CATSPERG: variants seen among roughly 807,000 people sequenced by gnomAD.
The protein encoded by CATSPERG is cation channel sperm-associated auxiliary subunit gamma.
CATSPERG carries 115 observed loss-of-function variants against 145.0 expected under a neutral mutation model. That is an observed-to-expected ratio of 0.79 (90% CI 0.68 to 0.93). The LOEUF is 0.93. Among genes scored for constraint, CATSPERG ranks in the 40% least tolerant of loss-of-function variants. The pLI is 0.00. For missense variants in CATSPERG, 1,296 were observed against 1,490.1 expected, an observed-to-expected ratio of 0.87 and a Z score of 2.14; for synonymous variants, 588 against 589.0, an observed-to-expected ratio of 1.00 and a Z score of 0.02.
chr19:38,343,696 G>C lies in CATSPERG; in HGVS notation c.441G>C (p.Gln147His), dbSNP rs1193051647. The C allele has an allele frequency of 2.2e-5, 34 of 1,550,150 alleles. No individual in the cohort carries two copies. The highest frequency in any genetic ancestry group is 4.9e-5 in the East Asian group (2 of 40,910). ...GGAAGATAGAGCAGCTGCAGATCCA[G>C]ATGGAGGCTGCCCCCTTCCGCAGCA... ...YRWKIEQLQI[Q>H]MEAAPFRSKE... Residue 147 changes from glutamine (Q) to histidine (H), a missense_variant, in exon 4 of 29, where the codon CAG (glutamine) becomes CAC (histidine). Coordinates refer to ENST00000409235, the MANE Select transcript of CATSPERG (RefSeq NM_021185.5).
At chr19:38,359,909 G>A (rs1207518634) in intron 14 of CATSPERG, 7 of 1,049,084 alleles carry the variant, frequency 6.7e-6, no homozygotes, top group African/African-American at 1.7e-5. Flanking sequence ...GGCTGCAATG[G>A]GGAAAATATT....
chr19:38,356,774 A>C lies in CATSPERG; in HGVS notation c.1228A>C (p.Ile410Leu), dbSNP rs1970251068. Residue 410 changes from isoleucine to leucine, a missense_variant, in exon 11 of 29, where the codon ATC becomes CTC. By Grantham distance (5) the Ile-to-Leu change is conservative (BLOSUM62 2). Coordinates refer to ENST00000409235, the MANE Select transcript of CATSPERG (RefSeq NM_021185.5). ...CTGCTCCATAATTTGGTCTGAATAC[A>C]TCGCGGGTGAGTATACTCTACTGCT... ...TTCSIIWSEY[I>L]AGEYTLLLLV... 1 of 1,614,066 alleles carries C rather than the reference A, an allele frequency of 6.2e-7. No individual in the cohort carries two copies. Among genetic ancestry groups the C allele is most frequent in the African/African-American group, 1.3e-5 (1 of 74,926 alleles).
chr19:38,362,668 GC>G, intron 19 of CATSPERG, 45 bp from the exon 20 acceptor site: 1 of 1,607,534 alleles, frequency 6.2e-7, no homozygotes, highest in Non-Finnish European at 8.5e-7. Flanking sequence ...GAGGGGCGGG[GC>G]CTGTCTGTGA....
chr19:38,361,779 C>T lies in CATSPERG; in HGVS notation c.2012C>T (p.Ser671Leu), dbSNP rs751240772. The T allele has an allele frequency of 6.2e-7, 1 of 1,613,084 alleles. No homozygotes were observed. The highest frequency in any genetic ancestry group is 1.1e-5 in the South Asian group (1 of 90,866). ...RARPPRVLER[S>L]GFHNENSLAI... The stretch of plus-strand genomic sequence containing the variant: ...CGGCCGCCGCGCGTCCTGGAGCGCT[C>T]GGGCTTCCACAACGAGAACTCGCTC... Residue 671 changes from serine (S) to leucine (L), a missense_variant, in exon 17 of 29, where the codon TCG becomes TTG. Physicochemically the swap from Ser to Leu is moderately radical, Grantham distance 145 (BLOSUM62 -2). Transcript: ENST00000409235.
intron 3 of CATSPERG, among the ~76,000 whole-genome samples, chr19:38,339,099 T>C (rs1416971277): frequency 1.3e-5 from 2 of 152,164 alleles, no homozygotes; most frequent in South Asian, 4.1e-4. Flanking sequence ...TATTTATTGG[T>C]AATCCAACAA....
intron 13 of CATSPERG, 151 bp downstream of exon 13, chr19:38,358,712 C>A: frequency 1.1e-6 from 1 of 922,256 alleles, no homozygotes; most frequent in South Asian, 1.6e-5. Context: ...TGATGAGGAA[C>A]ACACCGTTAG....
chr19:38,362,903 G>GA, intron 20 of CATSPERG, 71 bp downstream of exon 20: 1 of 1,026,014 alleles, frequency 9.7e-7, no homozygotes, highest in Non-Finnish European at 1.5e-6. Flanking sequence ...TTTGGAGACA[G>GA]GGTCTTGCTC....
rs1970402540 is a variant in CATSPERG at position 38,364,078 on chromosome 19, C to T, written c.2476-813C>T. ...GCCCCTCACCTCCCGGACGGGGCAGCTGGCCGGGCGGGGGGCTGACCCCCC... is the reference window on the plus strand; with the variant it reads ...GCCCCTCACCTCCCGGACGGGGCAGTTGGCCGGGCGGGGGGCTGACCCCCC... On this transcript the variant is annotated intron_variant, in intron 20 of 28. Coordinates refer to ENST00000409235, the MANE Select transcript of CATSPERG (RefSeq NM_021185.5). 2.6e-5 allele frequency among the ~76,000 whole-genome samples: 4 copies of T among 151,634 alleles called. 1 individual carries two copies. In the South Asian group the frequency reaches 6.3e-4, roughly 24 times the overall value.
Position 38,350,119 on chromosome 19 carries a change from A to G in CATSPERG, c.826-2142A>G, listed in dbSNP as rs182674886. On this transcript the variant is annotated intron_variant, in intron 7 of 28. Coordinates refer to ENST00000409235, the MANE Select transcript of CATSPERG (RefSeq NM_021185.5). ...GTAGAGGGCAAGCCATTTTCTTTTA[A>G]GCAAACTTCACTTCCACTGACATTC... is the stretch of plus-strand genomic sequence containing the variant. Among the ~76,000 whole-genome samples the G allele has an allele frequency of 7.1e-4, 108 of 152,258 alleles. 1 individual carries two copies. Among genetic ancestry groups the G allele is most frequent in the African/African-American group, 2.6e-3 (106 of 41,562 alleles).
chr19:38,351,607 C>CAAA (rs769452553), intron 7 of CATSPERG, among the ~76,000 whole-genome samples: 22 of 110,646 alleles, frequency 2.0e-4, no homozygotes, highest in African/African-American at 6.4e-4. Flanking sequence ...GACTCCGCCT[C>CAAA]AAAAAAAAAA....
At chr19:38,352,603 T>G (rs1370614216) in intron 8 of CATSPERG, 171 bp downstream of exon 8, 26 of 603,326 alleles carry the variant, frequency 4.3e-5, no homozygotes, top group Non-Finnish European at 5.7e-5. Context: ...CCCTTTTTTT[T>G]TTTTTTTTTT....
At chr19:38,336,307 T>C (rs56849284) in intron 1 of CATSPERG, 132,243 of 422,724 alleles carry the variant, frequency 0.31, 23,093 homozygotes, top group East Asian at 0.58. Flanking sequence ...AAGAGACAGT[T>C]TTCATCGAGA....
rs766901058 is a variant in CATSPERG, at chr19:38,358,307, A to G, written c.1345A>G (p.Ile449Val). ...ASDDLELLYH[I>V]PEFIPEARGL... The stretch of plus-strand genomic sequence containing the variant: ...TGATGACCTGGAACTTCTCTACCAC[A>G]TCCCAGAATTCATCCCTGAAGGTAG... Residue 449 changes from isoleucine (I) to valine (V), a missense_variant, in exon 12 of 29, where the codon ATC (isoleucine) becomes GTC (valine). Transcript: ENST00000409235. The G allele has an allele frequency of 1.2e-5, 20 of 1,614,006 alleles. No homozygotes were observed. The highest frequency in any genetic ancestry group is 1.7e-5 in the Non-Finnish European group (20 of 1,180,006).
At chr19:38,364,105 A>C (rs1198093387) in intron 20 of CATSPERG, among the ~76,000 whole-genome samples, 2 of 147,790 alleles carry the variant, frequency 1.4e-5, no homozygotes, top group African/African-American at 5.1e-5. Flanking sequence ...TGACCCCCCC[A>C]CCTCCCTCCC....
intron 22 of CATSPERG, chr19:38,366,692 G>A (rs1970455259): frequency 6.4e-6 from 1 of 157,390 alleles, no homozygotes; most frequent in Non-Finnish European, 1.4e-5. Flanking sequence ...GAACAGGCAG[G>A]CTCTCGGTCT....
intron 25 of CATSPERG, 30 bp from the exon 26 acceptor site, chr19:38,368,018 C>T (rs751147199): frequency 1.9e-6 from 3 of 1,606,780 alleles, no homozygotes; most frequent in Non-Finnish European, 2.6e-6. Context: ...GCCCCCCAAC[C>T]CCTGGCTGAG....
chr19:38,358,004 G>A (rs1307054556), intron 11 of CATSPERG: 1 of 423,496 alleles, frequency 2.4e-6, no homozygotes, highest in Non-Finnish European at 4.3e-6. Flanking sequence ...TATAATCCCA[G>A]CTACTCCATA....
chr19:38,367,604 G>A (rs781519081), intron 24 of CATSPERG, 32 bp downstream of exon 24: 46 of 1,613,140 alleles, frequency 2.9e-5, no homozygotes, highest in Admixed American at 8.3e-5. Context: ...AGCTAGGGCA[G>A]GTGGAGGGAG....
intron 1 of CATSPERG, 199 bp downstream of exon 1, chr19:38,336,074 C>G: frequency 2.6e-6 from 1 of 380,400 alleles, no homozygotes; most frequent in East Asian, 9.7e-5. Flanking sequence ...AAGGGGGAGC[C>G]GAACGTGAAG....
Sources: gnomAD v4.1 joint callset for allele counts (sites outside exome capture counted in the v4.1 genomes callset) on GRCh38, gnomAD v4.1.1 for gene constraint, MANE v1.5 for transcripts, NCBI Gene and HGNC (gene_info 2026-07-23, HGNC 2026-07-21) for gene names.